Variants in CEP128 observed in about 807,000 individuals in gnomAD.
CEP128 encodes centrosomal protein 128.
In CEP128, 132 loss-of-function variants were observed where a neutral mutation model predicts 156.7. The ratio of observed to expected loss-of-function variants is 0.84; its 90% CI spans 0.73 to 0.97. The LOEUF (loss-of-function observed/expected upper bound fraction) is 0.97, where lower values mean the gene tolerates loss of function less well. Among genes scored for constraint, CEP128 ranks in the 50% least tolerant of loss-of-function variants. CEP128 has a pLI of 0.00. For synonymous variants in CEP128, 469 were observed against 448.9 expected, an observed-to-expected ratio of 1.04 and a Z score of -0.57; for missense variants, 1,252 against 1,281.9, an observed-to-expected ratio of 0.98 and a Z score of 0.36.
intron 16 of CEP128, 107 bp downstream of exon 16, chr14:80,777,775 T>C (rs1900874280): frequency 1.1e-6 from 1 of 891,638 alleles, no homozygotes; most frequent in Non-Finnish European, 1.7e-6. Flanking sequence ...CCAATACAAC[T>C]TCCCTGTGAA....
chr14:80,552,603 T>C (rs1250563281), intron 21 of CEP128, among the ~76,000 whole-genome samples: 1 of 152,172 alleles, frequency 6.6e-6, no homozygotes, highest in Non-Finnish European at 1.5e-5. Flanking sequence ...TTAAGTAAAA[T>C]ATATACATAC....
At chr14:80,937,304 G>C (rs1364931128) in intron 2 of CEP128, among the ~76,000 whole-genome samples, 2 of 152,232 alleles carry the variant, frequency 1.3e-5, no homozygotes, top group East Asian at 3.8e-4. Context: ...CTGGGTGACA[G>C]AGTGAGACCC....
chr14:80,710,291 T>C (rs1343786896), intron 19 of CEP128, among the ~76,000 whole-genome samples: 1 of 152,072 alleles, frequency 6.6e-6, no homozygotes, highest in African/African-American at 2.4e-5. Context: ...TGTTTTCTCA[T>C]GAGAAATATC....
intron 19 of CEP128, among the ~76,000 whole-genome samples, chr14:80,590,193 T>C (rs901347070): frequency 2.0e-5 from 3 of 152,166 alleles, no homozygotes; most frequent in African/African-American, 7.2e-5. Flanking sequence ...ATGGCAAGCA[T>C]GTGTTTACAC....
intron 8 of CEP128, chr14:80,894,677 A>G (rs1889264276): frequency 2.5e-6 from 1 of 398,576 alleles, no homozygotes; most frequent in Non-Finnish European, 4.9e-6. Context: ...TTCACAAAAA[A>G]CTTAATACCA....
At chr14:80,821,839 T>C (rs1885204377) in intron 13 of CEP128, among the ~76,000 whole-genome samples, 1 of 151,980 alleles carries the variant, frequency 6.6e-6, no homozygotes, top group African/African-American at 2.4e-5. Flanking sequence ...AAGACATACC[T>C]GAGACTGCGC....
At chr14:80,959,013 A>G (rs1331911065) in intron 1 of CEP128, among the ~76,000 whole-genome samples, 1 of 152,226 alleles carries the variant, frequency 6.6e-6, no homozygotes, top group Non-Finnish European at 1.5e-5. Context: ...TCTAAACTTT[A>G]TCTTCTACTC....
At chr14:80,933,405 G>C (rs749265590) in intron 2 of CEP128, among the ~76,000 whole-genome samples, 4 of 152,180 alleles carry the variant, frequency 2.6e-5, no homozygotes, top group Non-Finnish European at 5.9e-5. Context: ...TGTCAGCCCA[G>C]GGGATTCTTT....
chr14:80,837,945 G>A lies in CEP128; in HGVS notation c.924+259C>T, dbSNP rs1367945526. Among the ~76,000 whole-genome samples the A allele has an allele frequency of 1.6e-4, 24 of 152,198 alleles. 1 individual carries two copies. ...CTTACTTTTACACTGCTCATGCTAA[G>A]ACAGATAAGTAGTAAGTTGTAGCAG... is the stretch of plus-strand genomic sequence containing the variant. On this transcript the variant is annotated intron_variant, in intron 11 of 24. Transcript: ENST00000555265.
At chr14:80,929,421 A>G (rs1885328007) in intron 2 of CEP128, among the ~76,000 whole-genome samples, 1 of 152,210 alleles carries the variant, frequency 6.6e-6, no homozygotes, top group Non-Finnish European at 1.5e-5. Context: ...CTGCACATCT[A>G]TGTTTGTCAC....
intron 19 of CEP128, among the ~76,000 whole-genome samples, chr14:80,723,121 C>T (rs912393263): frequency 2.6e-5 from 4 of 152,074 alleles, no homozygotes; most frequent in East Asian, 1.9e-4. Flanking sequence ...CCACCGCACC[C>T]GGCCCTCTTT....
chr14:80,737,742 T>C (rs1898608682), intron 19 of CEP128, among the ~76,000 whole-genome samples: 1 of 151,892 alleles, frequency 6.6e-6, no homozygotes, highest in South Asian at 2.1e-4. Flanking sequence ...ATAAAAACAT[T>C]AGCCAGGCAT....
At chr14:80,755,604 T>TC (rs549316379) in intron 18 of CEP128, among the ~76,000 whole-genome samples, 53 of 152,318 alleles carry the variant, frequency 3.5e-4, no homozygotes, top group Admixed American at 2.6e-3. Flanking sequence ...CTGAATGCCC[T>TC]CAGAGGTCCT....
chr14:80,485,637 T>C (rs1887145497), downstream of CEP128, among the ~76,000 whole-genome samples: 2 of 152,146 alleles, frequency 1.3e-5, no homozygotes, highest in South Asian at 2.1e-4. Context: ...ACTGGTAACA[T>C]ATAATAGAGA....
At chr14:80,875,044 T>C (rs1163864564) in intron 8 of CEP128, among the ~76,000 whole-genome samples, 1 of 152,224 alleles carries the variant, frequency 6.6e-6, no homozygotes, top group African/African-American at 2.4e-5. Context: ...CCCTGAAATA[T>C]CAGCTCATTT....
At chr14:80,667,175 C>T (rs1223933765) in intron 19 of CEP128, among the ~76,000 whole-genome samples, 1 of 152,132 alleles carries the variant, frequency 6.6e-6, no homozygotes, top group East Asian at 1.9e-4. Flanking sequence ...GACACAGGAC[C>T]TTTGGTTAAA....
intron 8 of CEP128, among the ~76,000 whole-genome samples, chr14:80,866,862 C>G (rs560886980): frequency 3.3e-5 from 5 of 152,274 alleles, no homozygotes; most frequent in African/African-American, 1.2e-4. Context: ...CAAGAGAATA[C>G]AGTAGTCCCA....
chr14:80,593,036 C>G (rs1023973308), intron 19 of CEP128, among the ~76,000 whole-genome samples: 1 of 152,122 alleles, frequency 6.6e-6, no homozygotes, highest in Non-Finnish European at 1.5e-5. Flanking sequence ...AACCCACAGA[C>G]AATATCATAC....
chr14:80,704,381 A>AT (rs1225599793), intron 19 of CEP128, among the ~76,000 whole-genome samples: 3 of 152,038 alleles, frequency 2.0e-5, no homozygotes, highest in East Asian at 1.9e-4. Context: ...GGATTTAGTT[A>AT]TTTTTTTAAA....
Sources: gnomAD v4.1 joint callset for allele counts (sites outside exome capture counted in the v4.1 genomes callset) on GRCh38, gnomAD v4.1.1 for gene constraint, MANE v1.5 for transcripts, NCBI Gene and HGNC (gene_info 2026-07-23, HGNC 2026-07-21) for gene names.